The following COBL variants were observed in gnomAD, a reference collection of about 807,000 sequenced individuals.
COBL encodes the protein cordon-bleu WH2 repeat protein.
A neutral mutation model predicts 98.8 loss-of-function variants in COBL; 51 were observed. The ratio of observed to expected loss-of-function variants is 0.52; its 90% CI spans 0.41 to 0.65. The LOEUF is 0.65. Ranked by LOEUF, COBL falls within the 30% of genes least tolerant of loss-of-function variation. The pLI, the probability that COBL is intolerant of heterozygous loss-of-function variation, is 0.00. For missense variants in COBL, 1,617 were observed against 1,617.5 expected (o/e 1.00, Z 0.01); for synonymous variants, 634 against 651.7 (o/e 0.97, Z 0.41).
chr7:51,098,062 A>C (rs1308387256), intron 6 of COBL, among the ~76,000 whole-genome samples: 1 of 150,660 alleles, frequency 6.6e-6, no homozygotes, highest in African/African-American at 2.4e-5. Flanking sequence ...TTAATCAAGG[A>C]GATAAAAAAG....
Position 51,029,341 on chromosome 7 carries a change from C to T in COBL, c.1755G>A (p.Glu585=), listed in dbSNP as rs1449189009. ...TTGCCTTTTCATGGGGCTGGCTGTG[C>T]TCAGCTTGAAGTGGCGCCAGGGAGT... ...RRDSLAPLQA[E]HSQPHEKARE... Residue 585 remains glutamate (E), a synonymous_variant, in exon 10 of 13, where the codon GAG becomes GAA. Coordinates refer to ENST00000265136, the MANE Select transcript of COBL (RefSeq NM_015198.5). The T allele has an allele frequency of 5.6e-6, 9 of 1,603,998 alleles. No individual in the cohort carries two copies. The highest frequency in any genetic ancestry group is 7.7e-6 in the Non-Finnish European group (9 of 1,173,916).
chr7:51,264,147 C>T (rs1797961232), intron 1 of COBL, among the ~76,000 whole-genome samples: 1 of 152,118 alleles, frequency 6.6e-6, no homozygotes, highest in Non-Finnish European at 1.5e-5. Flanking sequence ...ATCGCAGCCC[C>T]CAAGCCTCAG....
At chr7:51,083,268 C>A in intron 7 of COBL, 1 of 1,424,930 alleles carries the variant, frequency 7.0e-7, no homozygotes, top group Non-Finnish European at 9.2e-7. Flanking sequence ...GCAGGTTAAA[C>A]CAAGCCGTCA....
chr7:51,170,532 A>AT (rs1562991402), intron 5 of COBL, among the ~76,000 whole-genome samples: 20 of 139,660 alleles, frequency 1.4e-4, no homozygotes, highest in Non-Finnish European at 2.6e-4. Flanking sequence ...TATATATATA[A>AT]ATATATATCA....
At chr7:51,038,681 A>C (rs1173843974) in intron 8 of COBL, among the ~76,000 whole-genome samples, 2 of 152,214 alleles carry the variant, frequency 1.3e-5, no homozygotes, top group African/African-American at 4.8e-5. Context: ...GGCCAAGTTG[A>C]TAAACTATGA....
intron 1 of COBL, among the ~76,000 whole-genome samples, chr7:51,269,322 G>A (rs1175769876): frequency 2.6e-5 from 4 of 152,176 alleles, no homozygotes; most frequent in African/African-American, 9.7e-5. Flanking sequence ...CCACACAGGG[G>A]ACAGAAAACA....
intron 6 of COBL, among the ~76,000 whole-genome samples, chr7:51,105,213 G>A (rs752171156): frequency 3.1e-4 from 47 of 151,996 alleles, no homozygotes; most frequent in Non-Finnish European, 5.7e-4. Context: ...TAAAAGTCTC[G>A]CTTCTGCTGT....
chr7:51,164,084 A>C (rs1200188743), intron 5 of COBL, among the ~76,000 whole-genome samples: 1 of 152,172 alleles, frequency 6.6e-6, no homozygotes, highest in Admixed American at 6.6e-5. Context: ...ATTATGAGTA[A>C]GAGTTTTATC....
At chr7:51,167,727 G>GAC (rs960018393) in intron 5 of COBL, among the ~76,000 whole-genome samples, 3 of 152,074 alleles carry the variant, frequency 2.0e-5, no homozygotes, top group African/African-American at 7.2e-5. Flanking sequence ...CATAAAAACA[G>GAC]ACACACACAC....
At chr7:51,148,902 G>A (rs750560516) in intron 5 of COBL, among the ~76,000 whole-genome samples, 1 of 151,836 alleles carries the variant, frequency 6.6e-6, no homozygotes, top group Non-Finnish European at 1.5e-5. Context: ...GTGTAAACAT[G>A]TATACACATA....
In COBL at chr7:51,018,905, AATATAT is replaced by A. The variant is rs71018490; in HGVS notation, c.3769-1343_3769-1338del. Among the ~76,000 whole-genome samples, 133 of 34,042 alleles carry A rather than the reference AATATAT, an allele frequency of 3.9e-3. 1 individual carries two copies. Among genetic ancestry groups the A allele is most frequent in the African/African-American group, 7.0e-3 (55 of 7,910 alleles). 22.3% of individuals were successfully genotyped at this position (34,042 alleles called of 152,430 possible). A position where few individuals can be genotyped will look rare whatever the true frequency, so the allele number is the denominator to read the frequency against. The stretch of plus-strand genomic sequence containing the variant: ...AAACTCCATCTCAAAAAAAAAAAAA[AATATAT>A]ATATATATATATATATATATATATA... On this transcript the variant is annotated intron_variant, in intron 12 of 12. Transcript: ENST00000265136.
At chr7:51,144,803 T>C (rs909197586) in intron 5 of COBL, among the ~76,000 whole-genome samples, 1 of 152,200 alleles carries the variant, frequency 6.6e-6, no homozygotes, top group Non-Finnish European at 1.5e-5. Flanking sequence ...AAACAATATA[T>C]GATCTTTGTG....
chr7:51,134,185 GA>G (rs752887098), intron 6 of COBL, among the ~76,000 whole-genome samples: 1 of 152,284 alleles, frequency 6.6e-6, no homozygotes, highest in East Asian at 1.9e-4. Context: ...TCCTTTTCCA[GA>G]AATTAGTAAA....
intron 2 of COBL, among the ~76,000 whole-genome samples, chr7:51,216,136 C>T (rs557602605): frequency 5.3e-5 from 8 of 152,232 alleles, no homozygotes; most frequent in Non-Finnish European, 8.8e-5. Flanking sequence ...AATGACACAG[C>T]CTAGCACACT....
intron 12 of COBL, chr7:51,022,785 A>G (rs1787069451): frequency 6.6e-6 from 1 of 152,244 alleles, no homozygotes; most frequent in Admixed American, 6.5e-5. Flanking sequence ...TAAAGCAGTG[A>G]GTACAGAGTG....
At chr7:51,107,420 A>C (rs554442273) in intron 6 of COBL, among the ~76,000 whole-genome samples, 6 of 152,178 alleles carry the variant, frequency 3.9e-5, no homozygotes, top group African/African-American at 1.2e-4. Flanking sequence ...TAACATGGAG[A>C]TCTCTTCATA....
chr7:51,213,602 G>A (rs1792697467), intron 2 of COBL, among the ~76,000 whole-genome samples: 1 of 152,138 alleles, frequency 6.6e-6, no homozygotes, highest in Non-Finnish European at 1.5e-5. Context: ...GGAGACAGGT[G>A]ACCTGAGGAA....
intron 7 of COBL, among the ~76,000 whole-genome samples, chr7:51,048,060 G>A (rs1789888830): frequency 6.6e-6 from 1 of 152,092 alleles, no homozygotes; most frequent in East Asian, 1.9e-4. Context: ...CCAGCTACTC[G>A]GGAAGTTGAG....
At chr7:51,315,282 A>C (rs2129225388) in intron 1 of COBL, among the ~76,000 whole-genome samples, 1 of 151,390 alleles carries the variant, frequency 6.6e-6, no homozygotes, top group African/African-American at 2.4e-5. Flanking sequence ...AGAGAGAGAG[A>C]AAGAAAACTT....
Sources: allele counts gnomAD v4.1 joint callset (sites outside exome capture counted in the v4.1 genomes callset), GRCh38; gene constraint gnomAD v4.1.1; transcripts MANE v1.5; gene names NCBI Gene and HGNC (gene_info 2026-07-23, HGNC 2026-07-21).